Variants in BCL2 observed in about 807,000 individuals in gnomAD.
BCL2 encodes BCL2 apoptosis regulator.
In BCL2, 1 loss-of-function variant was observed where a neutral mutation model predicts 14.2. The ratio of observed to expected loss-of-function variants is 0.07; its 90% CI spans 0.02 to 0.33. The LOEUF (loss-of-function observed/expected upper bound fraction) is 0.33, where lower values mean the gene tolerates loss of function less well. Ranked by LOEUF, BCL2 falls within the 10% of genes least tolerant of loss-of-function variation. The probability of loss-of-function intolerance (pLI) is 0.99; values close to 1 mark genes in which losing one functional copy is unlikely to be tolerated. For missense variants in BCL2, 247 were observed against 305.9 expected, an observed-to-expected ratio of 0.81 and a Z score of 1.44; for synonymous variants, 151 against 137.2, an observed-to-expected ratio of 1.10 and a Z score of -0.70.
chr18:63,263,185 G>C (rs1456333020), intron 2 of BCL2, among the ~76,000 whole-genome samples: 1 of 152,158 alleles, frequency 6.6e-6, no homozygotes, highest in Non-Finnish European at 1.5e-5. Context: ...GGGTGTGCGG[G>C]GGGTGCAGTG....
chr18:63,156,198 A>C (rs188658264), intron 2 of BCL2, among the ~76,000 whole-genome samples: 55 of 152,130 alleles, frequency 3.6e-4, no homozygotes, highest in Non-Finnish European at 7.2e-4. Context: ...GCCCAGCAAT[A>C]GCATGGAAGG....
intron 2 of BCL2, among the ~76,000 whole-genome samples, chr18:63,129,485 T>C (rs1914006970): frequency 6.6e-6 from 1 of 152,096 alleles, no homozygotes; most frequent in Non-Finnish European, 1.5e-5. Context: ...TACTATACTT[T>C]CCAGGCTGGT....
intron 2 of BCL2, among the ~76,000 whole-genome samples, chr18:63,217,423 G>GA (rs766854439): frequency 1.3e-5 from 2 of 152,066 alleles, no homozygotes; most frequent in African/African-American, 4.8e-5. Context: ...CAATGGTCAG[G>GA]AAAAAAATGA....
At chr18:63,225,314 GATC>G (rs1599255961) in intron 2 of BCL2, among the ~76,000 whole-genome samples, 2 of 152,228 alleles carry the variant, frequency 1.3e-5, no homozygotes, top group East Asian at 3.9e-4. Flanking sequence ...CTGTGGATAT[GATC>G]ATATCAGACA....
At position 63,178,107 on chromosome 18, in the gene BCL2, T is replaced by C. The variant is rs4987800; in HGVS notation, c.586-49348A>G. On this transcript the variant is annotated intron_variant, in intron 2 of 2. Coordinates refer to ENST00000333681, the MANE Select transcript of BCL2 (RefSeq NM_000633.3). ...GCAAGAGGCCTCATGATAAATCAGT[T>C]GGAGCCTGGGGGCCATGAAAGCATT... Among the ~76,000 whole-genome samples the C allele has an allele frequency of 6.4e-3, 975 of 152,260 alleles. 8 individuals carry two copies. The highest frequency in any genetic ancestry group is 0.022 in the African/African-American group (899 of 41,554).
At chr18:63,317,445 C>G (rs1913532639) in intron 2 of BCL2, 1 of 725,594 alleles carries the variant, frequency 1.4e-6, no homozygotes, top group Admixed American at 6.3e-5. Flanking sequence ...ACATGGCACA[C>G]ACTGGAGATT....
intron 2 of BCL2, among the ~76,000 whole-genome samples, chr18:63,227,967 G>A (rs190811021): frequency 6.6e-6 from 1 of 152,342 alleles, no homozygotes; most frequent in East Asian, 1.9e-4. Context: ...AGTTCTGGAG[G>A]CTGGTAAGTC....
intron 2 of BCL2, among the ~76,000 whole-genome samples, chr18:63,141,985 G>T (rs949796771): frequency 2.0e-5 from 3 of 152,242 alleles, no homozygotes; most frequent in Non-Finnish European, 2.9e-5. Flanking sequence ...GGAACTGAAA[G>T]CAGATGCTTG....
intron 2 of BCL2, among the ~76,000 whole-genome samples, chr18:63,206,887 C>T (rs561439065): frequency 6.6e-6 from 1 of 151,894 alleles, no homozygotes; most frequent in Non-Finnish European, 1.5e-5. Flanking sequence ...CAGAGGAAGC[C>T]CAAAAGTGGA....
chr18:63,223,667 C>T (rs1910466976), intron 2 of BCL2, among the ~76,000 whole-genome samples: 1 of 152,196 alleles, frequency 6.6e-6, no homozygotes, highest in African/African-American at 2.4e-5. Context: ...CATCTTGCAG[C>T]CAGGAGTCTG....
At position 63,208,340 on chromosome 18, in the gene BCL2, C is replaced by T. The variant is rs191261042; in HGVS notation, c.586-79581G>A. Among the ~76,000 whole-genome samples the T allele has an allele frequency of 2.0e-3, 299 of 152,282 alleles. 1 individual carries two copies. Among genetic ancestry groups the T allele is most frequent in the African/African-American group, 6.9e-3 (285 of 41,532 alleles). ...ATGCCCTGCGCCACACTGTACCCCCCACCCCCGCCCACCCGGCTCCCCGAT... is the reference window on the plus strand; with the variant it reads ...ATGCCCTGCGCCACACTGTACCCCCTACCCCCGCCCACCCGGCTCCCCGAT... On this transcript the variant is annotated intron_variant, in intron 2 of 2. Transcript: ENST00000333681.
At chr18:63,167,689 A>G (rs1915077855) in intron 2 of BCL2, among the ~76,000 whole-genome samples, 1 of 152,114 alleles carries the variant, frequency 6.6e-6, no homozygotes, top group Admixed American at 6.6e-5. Context: ...GCATATGGGG[A>G]GGCCAAGGCG....
At chr18:63,233,680 G>C (rs1394235628) in intron 2 of BCL2, among the ~76,000 whole-genome samples, 1 of 152,164 alleles carries the variant, frequency 6.6e-6, no homozygotes, top group Non-Finnish European at 1.5e-5. Context: ...CTGCGGTGCT[G>C]CCAGGTTCCT....
chr18:63,264,113 T>C (rs530393680), intron 2 of BCL2, among the ~76,000 whole-genome samples: 1 of 152,334 alleles, frequency 6.6e-6, no homozygotes, highest in Admixed American at 6.5e-5. Flanking sequence ...ACGCTCAGCA[T>C]GCAGATGGCC....
intron 2 of BCL2, among the ~76,000 whole-genome samples, chr18:63,254,892 G>C (rs1359365402): frequency 1.3e-5 from 2 of 152,194 alleles, no homozygotes; most frequent in Non-Finnish European, 2.9e-5. Flanking sequence ...TGACATATGA[G>C]GTCTTCCAAA....
intron 2 of BCL2, among the ~76,000 whole-genome samples, chr18:63,208,412 G>A (rs1909905705): frequency 6.6e-6 from 1 of 151,696 alleles, no homozygotes. Flanking sequence ...TTCCCTGGCT[G>A]TTACCAGCTG....
chr18:63,146,741 CT>C (rs1169638623), intron 2 of BCL2, among the ~76,000 whole-genome samples: 5 of 152,000 alleles, frequency 3.3e-5, no homozygotes, highest in African/African-American at 1.2e-4. Flanking sequence ...TAATCCTAAC[CT>C]ACTGAAACAC....
chr18:63,129,027 C>T (rs1032753980), intron 2 of BCL2, among the ~76,000 whole-genome samples: 4 of 152,164 alleles, frequency 2.6e-5, no homozygotes, highest in African/African-American at 7.2e-5. Context: ...TCCTACTTCA[C>T]GAAGCTTCCA....
intron 2 of BCL2, among the ~76,000 whole-genome samples, chr18:63,159,200 G>A (rs565978637): frequency 1.3e-5 from 2 of 152,300 alleles, no homozygotes; most frequent in South Asian, 4.1e-4. Context: ...GTGAGAAAAA[G>A]CATGAAACTC....
Sources: gnomAD v4.1 joint callset for allele counts (sites outside exome capture counted in the v4.1 genomes callset) on GRCh38, gnomAD v4.1.1 for gene constraint, MANE v1.5 for transcripts, NCBI Gene and HGNC (gene_info 2026-07-23, HGNC 2026-07-21) for gene names.